The following HDAC5 variants were observed in gnomAD, a reference collection of about 807,000 sequenced individuals.
HDAC5 encodes antigen NY-CO-9.
In HDAC5, 25 loss-of-function variants were observed where a neutral mutation model predicts 133.3. That is an observed-to-expected ratio of 0.19 (90% CI 0.14 to 0.26). The LOEUF is 0.26. Among genes scored for constraint, HDAC5 ranks in the 10% least tolerant of loss-of-function variants. The pLI, the probability that HDAC5 is intolerant of heterozygous loss-of-function variation, is 1.00. For missense variants in HDAC5, 1,041 were observed against 1,460.5 expected, an observed-to-expected ratio of 0.71 and a Z score of 4.68; for synonymous variants, 589 against 610.8, an observed-to-expected ratio of 0.96 and a Z score of 0.53.
intron 2 of HDAC5, chr17:44,111,082 G>T: frequency 2.1e-6 from 1 of 482,076 alleles, no homozygotes; most frequent in Non-Finnish European, 3.9e-6. Context: ...AGGGGCATCC[G>T]ACCACCAGCC....
At chr17:44,092,357 C>T (rs758845969) in intron 8 of HDAC5, 24 bp downstream of exon 8, 1 of 1,611,858 alleles carries the variant, frequency 6.2e-7, no homozygotes, top group Non-Finnish European at 8.5e-7. Flanking sequence ...ACCCTCAGAA[C>T]AGGTACATGA....
intron 2 of HDAC5, among the ~76,000 whole-genome samples, chr17:44,114,440 G>T (rs55802445): frequency 4.2e-5 from 6 of 142,872 alleles, no homozygotes; most frequent in Non-Finnish European, 7.4e-5. Context: ...GCAGGCGTGG[G>T]GGGGGGGGGC....
intron 1 of HDAC5, among the ~76,000 whole-genome samples, chr17:44,122,749 T>A (rs937111576): frequency 2.0e-5 from 3 of 151,818 alleles, no homozygotes; most frequent in African/African-American, 7.3e-5. Flanking sequence ...CCCCCCAAGT[T>A]AATAAGGCAC....
At position 44,078,889 on chromosome 17, in the gene HDAC5, G is replaced by A. The variant is rs573644050; in HGVS notation, c.3079-10C>T. 7 of 1,613,988 alleles carry A rather than the reference G, an allele frequency of 4.3e-6. No homozygotes were observed. The highest frequency in any genetic ancestry group is 4.0e-5 in the African/African-American group (3 of 75,032). On this transcript the variant is annotated splice_polypyrimidine_tract_variant and intron_variant, in intron 24 of 26. Coordinates refer to ENST00000682912, the MANE Select transcript of HDAC5 (RefSeq NM_005474.5). ...CATCCAAGGGCTGCAGCTGGCAGGG[G>A]AAAGAAGAGAAGGCTTAGGGTGGGG...
chr17:44,106,581 G>C (rs906254209), intron 3 of HDAC5, among the ~76,000 whole-genome samples: 2 of 151,748 alleles, frequency 1.3e-5, no homozygotes, highest in African/African-American at 4.8e-5. Flanking sequence ...TTAAAAATCT[G>C]CACAAAAGAA....
At chr17:44,088,327 G>C in intron 12 of HDAC5, 60 bp downstream of exon 12, 1 of 1,518,262 alleles carries the variant, frequency 6.6e-7, no homozygotes, top group Non-Finnish European at 8.8e-7. Flanking sequence ...CTGCCAGCCT[G>C]GTACTCTCCT....
intron 3 of HDAC5, among the ~76,000 whole-genome samples, chr17:44,095,350 AT>A (rs1368516159): frequency 6.6e-6 from 1 of 152,186 alleles, no homozygotes; most frequent in East Asian, 1.9e-4. Context: ...GCAAAGCCTC[AT>A]ACTAGAAGAG....
chr17:44,087,888 G>A (rs1256985950), intron 12 of HDAC5, among the ~76,000 whole-genome samples, 192 bp from the exon 13 acceptor site: 2 of 151,868 alleles, frequency 1.3e-5, no homozygotes, highest in Non-Finnish European at 2.9e-5. Flanking sequence ...CTGTCGCCCA[G>A]CCTGGCATGC....
In HDAC5 at chr17:44,078,526, A is replaced by G. The variant is rs1426824300; in HGVS notation, c.3303T>C (p.Ala1101=). Residue 1101 remains alanine, a synonymous_variant, in exon 26 of 27, where the codon GCT becomes GCC. Coordinates refer to ENST00000682912, the MANE Select transcript of HDAC5 (RefSeq NM_005474.5). ...LLSVGAEQAQ[A]AAAREHSPRP... ...TGGGGCTGTGTTCCCGGGCTGCCGCAGCCTGGGCCTGCTCGGCCCCCACCG... is the reference window on the plus strand; with the variant it reads ...TGGGGCTGTGTTCCCGGGCTGCCGCGGCCTGGGCCTGCTCGGCCCCCACCG... 1 of 1,611,212 alleles carries G rather than the reference A, an allele frequency of 6.2e-7. No individual in the cohort carries two copies. The highest frequency in any genetic ancestry group is 2.2e-5 in the East Asian group (1 of 44,830).
chr17:44,115,436 C>T (rs893852553), intron 2 of HDAC5, among the ~76,000 whole-genome samples: 3 of 152,222 alleles, frequency 2.0e-5, no homozygotes, highest in African/African-American at 7.2e-5. Flanking sequence ...GGTGGTCTCA[C>T]TTTACTTCCG....
At chr17:44,123,042 G>A (rs1320568359) in intron 1 of HDAC5, among the ~76,000 whole-genome samples, 1 of 152,188 alleles carries the variant, frequency 6.6e-6, no homozygotes, top group African/African-American at 2.4e-5. Flanking sequence ...GTAGCTATGG[G>A]GAGAAGCGCT....
chr17:44,083,760 T>C, intron 17 of HDAC5, 45 bp downstream of exon 17: 1 of 1,593,848 alleles, frequency 6.3e-7, no homozygotes, highest in Non-Finnish European at 8.6e-7. Flanking sequence ...GAGACAGACC[T>C]AGGAGAGCCG....
intron 3 of HDAC5, among the ~76,000 whole-genome samples, chr17:44,103,572 G>A (rs924366502): frequency 6.6e-5 from 10 of 152,158 alleles, no homozygotes; most frequent in African/African-American, 9.7e-5. Flanking sequence ...GAATGTACGC[G>A]GAGGAGCTTG....
At chr17:44,111,565 G>A (rs1054487143) in intron 2 of HDAC5, 36 of 515,212 alleles carry the variant, frequency 7.0e-5, no homozygotes, top group Middle Eastern at 4.6e-4. Flanking sequence ...TCAAGCCTCC[G>A]TCTTTCTTCT....
chr17:44,111,027 G>A (rs1001400517), intron 2 of HDAC5: 10 of 543,856 alleles, frequency 1.8e-5, no homozygotes, highest in Non-Finnish European at 3.4e-5. Context: ...CTGGCGGCAG[G>A]AGGGGCAGGG....
chr17:44,117,450 C>T lies in HDAC5; in HGVS notation c.22+44G>A, dbSNP rs367732100. On this transcript the variant is annotated intron_variant, in intron 2 of 26. Coordinates refer to ENST00000682912, the MANE Select transcript of HDAC5 (RefSeq NM_005474.5). The surrounding 1 kb of genome is among the most constrained non-coding windows in gnomAD (Gnocchi z 4.2). ...GGAAACCCACACAGCCCATTGCATC[C>T]GAAGCTACCCCAGGGTGCTCTTCTC... 3.4e-4 allele frequency: 546 copies of T among 1,611,728 alleles called. No individual in the cohort carries two copies. Among genetic ancestry groups the T allele is most frequent in the Non-Finnish European group, 4.2e-4 (497 of 1,177,954 alleles).
At chr17:44,108,560 C>G (rs2052115831) in intron 3 of HDAC5, among the ~76,000 whole-genome samples, 1 of 151,960 alleles carries the variant, frequency 6.6e-6, no homozygotes, top group Admixed American at 6.6e-5. Context: ...AGAAGCTTCC[C>G]TGGACACCTG....
rs1437191763 is a variant in HDAC5, at chr17:44,117,591, A to G, written c.-76T>C. ...GGTGGAGCTGCGGTGATGTCAAGAG[A>G]GACAGACGATAACAGACAGACGGAC... On this transcript the variant is annotated 5_prime_UTR_variant, in exon 2 of 27. Coordinates refer to ENST00000682912, the MANE Select transcript of HDAC5 (RefSeq NM_005474.5). This position sits in a 1 kb window ranked among gnomAD's most constrained non-coding sequence, Gnocchi z 4.2. 5.2e-6 allele frequency: 8 copies of G among 1,541,146 alleles called. No individual in the cohort carries two copies. Among genetic ancestry groups the G allele is most frequent in the Non-Finnish European group, 6.2e-6 (7 of 1,120,568 alleles).
chr17:44,079,012 C>A (rs2050252240), intron 24 of HDAC5, 132 bp downstream of exon 24: 1 of 1,506,052 alleles, frequency 6.6e-7, no homozygotes, highest in South Asian at 1.2e-5. Flanking sequence ...AACGCATACT[C>A]AGAAAGCCTG....
Sources: gnomAD v4.1 joint callset for allele counts (sites outside exome capture counted in the v4.1 genomes callset) on GRCh38, gnomAD v4.1.1 for gene constraint, Gnocchi (gnomAD v3.1) non-coding constraint, MANE v1.5 for transcripts, NCBI Gene and HGNC (gene_info 2026-07-23, HGNC 2026-07-21) for gene names.